LPIN1: variants seen among roughly 807,000 people sequenced by gnomAD.
LPIN1 encodes phosphatidate phosphatase LPIN1.
Under a neutral mutation model 107.5 loss-of-function variants are expected in LPIN1, and 71 were observed. The observed-to-expected ratio is 0.66, with a 90% confidence interval of 0.55 to 0.80. The LOEUF is 0.80. LPIN1 is among the 30% of genes least tolerant of loss of function. LPIN1 has a pLI of 0.00. For missense variants in LPIN1, 1,043 were observed against 1,160.6 expected (o/e 0.90, Z 1.47); for synonymous variants, 445 against 452.6 (o/e 0.98, Z 0.21).
At chr2:11,809,899 G>A (rs1017787439) in intron 17 of LPIN1, among the ~76,000 whole-genome samples, 1 of 152,160 alleles carries the variant, frequency 6.6e-6, no homozygotes, top group African/African-American at 2.4e-5. Flanking sequence ...AGCTCACCCT[G>A]GGCCCTGGGA....
chr2:11,724,223 C>CA, upstream of LPIN1: 2 of 576,954 alleles, frequency 3.5e-6, no homozygotes, highest in Non-Finnish European at 4.4e-6. Flanking sequence ...GCTCACTCCT[C>CA]TTCATCTCTT....
chr2:11,788,522 TG>T, intron 12 of LPIN1, 66 bp downstream of exon 12: 1 of 1,255,040 alleles, frequency 8.0e-7, no homozygotes, highest in Non-Finnish European at 1.2e-6. Context: ...CTGGGGTGGT[TG>T]GAATTTCACT....
chr2:11,819,274 T>C (rs1681126123), intron 18 of LPIN1: 1 of 562,704 alleles, frequency 1.8e-6, no homozygotes, highest in African/African-American at 1.9e-5. Flanking sequence ...AAATGGCTCA[T>C]CCTTGGTGTT....
intron 1 of LPIN1, among the ~76,000 whole-genome samples, chr2:11,678,260 CA>C (rs1351849661): frequency 1.3e-5 from 2 of 152,196 alleles, no homozygotes; most frequent in Non-Finnish European, 2.9e-5. Flanking sequence ...TCCTAGCAGC[CA>C]AGGCTTTTTT....
chr2:11,719,727 C>T (rs1184954452), upstream of LPIN1, among the ~76,000 whole-genome samples: 1 of 151,780 alleles, frequency 6.6e-6, no homozygotes, highest in Non-Finnish European at 1.5e-5. Flanking sequence ...ACGCAGGTGC[C>T]CCTTAACAGT....
At chr2:11,760,004 G>C (rs1468014665) in intron 1 of LPIN1, among the ~76,000 whole-genome samples, 1 of 76,702 alleles carries the variant, frequency 1.3e-5, no homozygotes, top group African/African-American at 4.9e-5. Flanking sequence ...CTTCTCAGAC[G>C]GGGCGGCCGG....
At position 11,771,700 on chromosome 2, in the gene LPIN1, A is replaced by G; in HGVS notation, c.596+21A>G. Reference sequence around the variant, plus strand: ...AGCAGGTAATAACTGTCCAGGGTGGAGGGGCTGTGCCAGAATCAGACAGTT... The same window carrying G: ...AGCAGGTAATAACTGTCCAGGGTGGGGGGGCTGTGCCAGAATCAGACAGTT... On this transcript the variant is annotated intron_variant, in intron 4 of 20. Coordinates refer to ENST00000674199, the MANE Select transcript of LPIN1 (RefSeq NM_001349206.2). This position sits in a 1 kb window ranked among gnomAD's most constrained non-coding sequence, Gnocchi z 4.8. 6.4e-7 allele frequency: 1 copy of G among 1,570,978 alleles called. No homozygotes were observed. The highest frequency in any genetic ancestry group is 1.2e-5 in the South Asian group (1 of 85,814).
At chr2:11,682,617 G>C (rs1661778579) in intron 1 of LPIN1, 1 of 152,162 alleles carries the variant, frequency 6.6e-6, no homozygotes, top group African/African-American at 2.4e-5. Context: ...TGTAAAGTTG[G>C]AGTGCAGGGG....
At position 11,765,651 on chromosome 2, in the gene LPIN1, G is replaced by A. The variant is rs774490262; in HGVS notation, c.110G>A (p.Arg37His). Residue 37 changes from arginine (R) to histidine (H), a missense_variant, in exon 2 of 21, where the codon CGC becomes CAC. Arg to His is a conservative substitution (Grantham distance 29, BLOSUM62 0). Transcript: ENST00000674199. This position sits in a 1 kb window ranked among gnomAD's most constrained non-coding sequence, Gnocchi z 4.4. ...GGGTGCATTGACATCATTGTCATCC[G>A]CCAGCCCAATGGAAACCTCCAATGC... ...LSGCIDIIVI[R>H]QPNGNLQCSP... 2.5e-5 allele frequency: 40 copies of A among 1,613,964 alleles called. No homozygotes were observed. Among genetic ancestry groups the A allele is most frequent in the Admixed American group, 8.3e-5 (5 of 59,986 alleles).
At chr2:11,809,708 G>T (rs528168464) in intron 17 of LPIN1, among the ~76,000 whole-genome samples, 4 of 152,302 alleles carry the variant, frequency 2.6e-5, no homozygotes, top group Middle Eastern at 3.4e-3. Flanking sequence ...GAGCCACTGC[G>T]CCCGGCCTAG....
At chr2:11,752,576 C>T (rs1668008429) in intron 1 of LPIN1, among the ~76,000 whole-genome samples, 1 of 149,094 alleles carries the variant, frequency 6.7e-6, no homozygotes, top group Non-Finnish European at 1.5e-5. Context: ...GGACTACAGG[C>T]GCCCGCCACT....
At position 11,772,965 on chromosome 2, in the gene LPIN1, G is replaced by A. The variant is rs73185132; in HGVS notation, c.597-655G>A. Among the ~76,000 whole-genome samples the A allele has an allele frequency of 6.5e-3, 992 of 152,206 alleles. 11 individuals are homozygous for A. Among genetic ancestry groups the A allele is most frequent in the African/African-American group, 0.023 (954 of 41,502 alleles). ...AACCTGTGACAGGCTTAGAACCAGC[G>A]TCATTGGGCTTCTTATAATTGCCTT... is the stretch of plus-strand genomic sequence containing the variant. On this transcript the variant is annotated intron_variant, in intron 4 of 20. Transcript: ENST00000674199.
rs183341341 is a variant in LPIN1, at chr2:11,737,398, C to T, written c.-71-3951C>T. Among the ~76,000 whole-genome samples the T allele has an allele frequency of 3.3e-3, 502 of 152,210 alleles. 1 individual carries two copies. Among genetic ancestry groups the T allele is most frequent in the Non-Finnish European group, 4.7e-3 (321 of 68,004 alleles). ...CATTGACAAATGGGATCTAATTAAA[C>T]TAAAGAGCTTTTGCACAGCAAAAGA... On this transcript the variant is annotated intron_variant, in intron 1 of 21. Transcript: ENST00000396097.
chr2:11,824,350 C>T (rs979728426), intron 20 of LPIN1, among the ~76,000 whole-genome samples: 4 of 151,350 alleles, frequency 2.6e-5, no homozygotes, highest in South Asian at 2.1e-4. Flanking sequence ...TTCCTCCTGC[C>T]GTCTTTTGCT....
At chr2:11,820,879 A>G (rs1681393203) in intron 20 of LPIN1, among the ~76,000 whole-genome samples, 2 of 152,238 alleles carry the variant, frequency 1.3e-5, no homozygotes, top group Admixed American at 1.3e-4. Context: ...AAGATGAGGA[A>G]CTGTATATCT....
chr2:11,707,984 C>T lies in LPIN1; in HGVS notation c.82-5772C>T, dbSNP rs1663211462. 6.6e-6 allele frequency among the ~76,000 whole-genome samples: 1 copy of T among 152,118 alleles called. No homozygotes were observed. Among genetic ancestry groups the T allele is most frequent in the African/African-American group, 2.4e-5 (1 of 41,424 alleles). On this transcript the variant is annotated intron_variant, in intron 1 of 21. Coordinates refer to the LPIN1 transcript ENST00000449576. This position sits in a 1 kb window ranked among gnomAD's most constrained non-coding sequence, Gnocchi z 4.2. ...TGGGGAAGTGAACTGAACTGGGCTT[C>T]ACTGAGAAAGATCCTGAGTGATGAT...
chr2:11,759,963 C>T (rs1396061931), intron 1 of LPIN1, among the ~76,000 whole-genome samples: 1,335 of 113,162 alleles, frequency 0.012, 11 homozygotes, highest in African/African-American at 0.035. Context: ...ACTTCTCAGA[C>T]GGGGTGGCTG....
chr2:11,741,479 T>C, intron 2 of LPIN1: 1 of 1,343,134 alleles, frequency 7.4e-7, no homozygotes. Context: ...TTATGACCAT[T>C]AGATAAATAA....
intron 8 of LPIN1, among the ~76,000 whole-genome samples, chr2:11,783,227 A>G (rs1394576886): frequency 6.6e-6 from 1 of 152,250 alleles, no homozygotes; most frequent in Admixed American, 6.5e-5. Context: ...GTGTCTGACA[A>G]TGCACAGTGT....
Sources: allele counts gnomAD v4.1 joint callset (sites outside exome capture counted in the v4.1 genomes callset), GRCh38; gene constraint gnomAD v4.1.1; non-coding constraint Gnocchi (gnomAD v3.1); transcripts MANE v1.5; gene names NCBI Gene and HGNC (gene_info 2026-07-23, HGNC 2026-07-21).